RTN1: variants seen among roughly 807,000 people sequenced by gnomAD.
RTN1 encodes reticulon-1.
A neutral mutation model predicts 65.5 loss-of-function variants in RTN1; 25 were observed. The observed-to-expected ratio is 0.38, with a 90% confidence interval of 0.28 to 0.53. The LOEUF is 0.53. Ranked by LOEUF, RTN1 falls within the 20% of genes least tolerant of loss-of-function variation. The pLI is 0.79. For missense variants in RTN1, 983 were observed against 1,025.4 expected, an observed-to-expected ratio of 0.96 and a Z score of 0.57; for synonymous variants, 471 against 447.6, an observed-to-expected ratio of 1.05 and a Z score of -0.66.
At chr14:59,841,471 G>A (rs530659360) in intron 1 of RTN1, among the ~76,000 whole-genome samples, 27 of 152,200 alleles carry the variant, frequency 1.8e-4, no homozygotes, top group Non-Finnish European at 2.6e-4. Flanking sequence ...CAAGGCAGGC[G>A]GATCACTCGA....
chr14:59,779,155 C>T (rs575699732), intron 1 of RTN1, among the ~76,000 whole-genome samples: 1 of 151,780 alleles, frequency 6.6e-6, no homozygotes, highest in Non-Finnish European at 1.5e-5. Flanking sequence ...GGAATAGATA[C>T]AGGAGTTGTT....
At chr14:59,628,995 G>T (rs12432863) in intron 3 of RTN1, among the ~76,000 whole-genome samples, 39,232 of 152,086 alleles carry the variant, frequency 0.26, 6,190 homozygotes, top group East Asian at 0.47. Flanking sequence ...ATAGTTGTTT[G>T]TCAGGTGTGT....
chr14:59,630,056 A>C (rs1250471430), intron 3 of RTN1, among the ~76,000 whole-genome samples: 1 of 152,176 alleles, frequency 6.6e-6, no homozygotes, highest in Non-Finnish European at 1.5e-5. Flanking sequence ...AGGAGATTTC[A>C]ACCTTTGGGC....
chr14:59,732,928 GC>G (rs1348422309), intron 2 of RTN1, among the ~76,000 whole-genome samples: 3 of 152,108 alleles, frequency 2.0e-5, no homozygotes, highest in Admixed American at 2.0e-4. Flanking sequence ...CTGCATTGGA[GC>G]CCCCCGGTGG....
intron 3 of RTN1, among the ~76,000 whole-genome samples, chr14:59,662,075 C>G (rs893545711): frequency 6.6e-6 from 1 of 152,086 alleles, no homozygotes; most frequent in Admixed American, 6.5e-5. Context: ...TCTCAGGATA[C>G]AAAATCAATG....
intron 2 of RTN1, among the ~76,000 whole-genome samples, chr14:59,743,340 A>G (rs192925989): frequency 5.5e-4 from 84 of 152,350 alleles, no homozygotes; most frequent in African/African-American, 1.8e-3. Context: ...GTAGACCTAT[A>G]CTTGCTAGGG....
intron 3 of RTN1, chr14:59,630,438 G>A (rs1320696596): frequency 4.3e-6 from 7 of 1,613,460 alleles, no homozygotes; most frequent in Non-Finnish European, 5.9e-6. Flanking sequence ...CTGAAATAAA[G>A]AGAATACCCT....
intron 3 of RTN1, among the ~76,000 whole-genome samples, chr14:59,626,849 T>C (rs1882413584): frequency 6.6e-6 from 1 of 152,198 alleles, no homozygotes; most frequent in African/African-American, 2.4e-5. Context: ...GAATGATGAA[T>C]TGATGATGGT....
chr14:59,725,699 T>C (rs1194148074), intron 3 of RTN1, among the ~76,000 whole-genome samples: 1 of 152,226 alleles, frequency 6.6e-6, no homozygotes, highest in Non-Finnish European at 1.5e-5. Flanking sequence ...ACAGCAACTA[T>C]GTATCTTTTT....
At chr14:59,607,571 T>G (rs1881803004) in intron 3 of RTN1, 79 bp from the exon 4 acceptor site, 2 of 1,233,808 alleles carry the variant, frequency 1.6e-6, no homozygotes, top group Non-Finnish European at 2.3e-6. Flanking sequence ...TCCACCAAGC[T>G]GTGGTTGCTG....
chr14:59,665,668 C>G (rs957534612), intron 3 of RTN1, among the ~76,000 whole-genome samples: 3 of 152,044 alleles, frequency 2.0e-5, no homozygotes, highest in Admixed American at 6.6e-5. Context: ...AGAGTCAAGA[C>G]CCATCAGTGT....
chr14:59,854,632 T>G lies in RTN1; in HGVS notation c.241+15758A>C, dbSNP rs561205595. ...CTCCAGCCTGGAGACAGAGCAAGACTGCGTCTCAAAAAAAAAAAAAAAAAA... is the reference window on the plus strand; with the variant it reads ...CTCCAGCCTGGAGACAGAGCAAGACGGCGTCTCAAAAAAAAAAAAAAAAAA... On this transcript the variant is annotated intron_variant, in intron 1 of 8. Transcript: ENST00000267484. Among the ~76,000 whole-genome samples, 29 of 91,108 alleles carry G rather than the reference T, an allele frequency of 3.2e-4. No individual in the cohort carries two copies. In the South Asian group the frequency reaches 0.012, roughly 37 times the overall value. 59.8% of individuals were successfully genotyped at this position (91,108 alleles called of 152,430 possible).
chr14:59,743,326 G>T (rs1385478193), intron 2 of RTN1, among the ~76,000 whole-genome samples: 1 of 152,204 alleles, frequency 6.6e-6, no homozygotes, highest in Non-Finnish European at 1.5e-5. Flanking sequence ...CATGTGCCGT[G>T]TAAGTAGACC....
At chr14:59,710,961 T>A (rs1308583286) in intron 3 of RTN1, among the ~76,000 whole-genome samples, 1 of 152,222 alleles carries the variant, frequency 6.6e-6, no homozygotes, top group Non-Finnish European at 1.5e-5. Flanking sequence ...GTAGGAAATA[T>A]TCATTACATT....
chr14:59,642,704 T>C (rs1045400880), intron 3 of RTN1, among the ~76,000 whole-genome samples: 7 of 152,234 alleles, frequency 4.6e-5, no homozygotes, highest in African/African-American at 1.7e-4. Context: ...TTCATCTTTT[T>C]TATCAATTTT....
chr14:59,622,548 A>G (rs939724377), intron 3 of RTN1, among the ~76,000 whole-genome samples: 1 of 152,160 alleles, frequency 6.6e-6, no homozygotes, highest in Non-Finnish European at 1.5e-5. Context: ...GTTGTTTCCA[A>G]CCCAGTGTCC....
At chr14:59,771,001 C>T (rs547134594) in intron 1 of RTN1, among the ~76,000 whole-genome samples, 95 of 151,466 alleles carry the variant, frequency 6.3e-4, no homozygotes, top group Non-Finnish European at 1.5e-4. Flanking sequence ...GCCGATATGG[C>T]GCCACTGCAC....
intron 3 of RTN1, among the ~76,000 whole-genome samples, chr14:59,611,013 C>A (rs1036149189): frequency 4.6e-5 from 7 of 152,178 alleles, no homozygotes; most frequent in African/African-American, 1.4e-4. Context: ...GGCTTCCCCC[C>A]ACCCACAAAG....
At chr14:59,753,152 C>T (rs1885566761) in intron 1 of RTN1, among the ~76,000 whole-genome samples, 1 of 152,154 alleles carries the variant, frequency 6.6e-6, no homozygotes, top group Admixed American at 6.5e-5. Context: ...AGGGGCTTCT[C>T]AGATGTACAG....
Sources: allele counts gnomAD v4.1 joint callset (sites outside exome capture counted in the v4.1 genomes callset), GRCh38; gene constraint gnomAD v4.1.1; transcripts MANE v1.5; gene names NCBI Gene and HGNC (gene_info 2026-07-23, HGNC 2026-07-21).